Variants in CHN2 observed in about 807,000 individuals in gnomAD.
CHN2 encodes beta-chimaerin.
CHN2 carries 35 observed loss-of-function variants against 56.3 expected under a neutral mutation model. That is an observed-to-expected ratio of 0.62 (90% CI 0.47 to 0.82). The LOEUF (loss-of-function observed/expected upper bound fraction) is 0.82. CHN2 is among the 40% of genes least tolerant of loss of function. CHN2 has a pLI of 0.00. For missense variants in CHN2, 491 were observed against 580.5 expected, an observed-to-expected ratio of 0.85 and a Z score of 1.58; for synonymous variants, 210 against 212.8, an observed-to-expected ratio of 0.99 and a Z score of 0.12.
chr7:29,229,799 G>A (rs1477977607), intron 1 of CHN2, among the ~76,000 whole-genome samples: 1 of 152,152 alleles, frequency 6.6e-6, no homozygotes, highest in East Asian at 1.9e-4. Context: ...GCAACATGGG[G>A]AGACCCCATC....
At chr7:29,419,752 A>T (rs1022065457) in intron 6 of CHN2, among the ~76,000 whole-genome samples, 4 of 152,232 alleles carry the variant, frequency 2.6e-5, no homozygotes, top group Admixed American at 2.6e-4. Flanking sequence ...TACATCATTA[A>T]TCATTAAGGA....
chr7:29,241,357 C>T (rs1325099011), intron 1 of CHN2, among the ~76,000 whole-genome samples: 1 of 152,078 alleles, frequency 6.6e-6, no homozygotes, highest in East Asian at 1.9e-4. Context: ...AGAGTGCTTC[C>T]CACCTGGCCT....
At chr7:29,206,608 T>C (rs245925) in intron 1 of CHN2, among the ~76,000 whole-genome samples, 98,800 of 152,008 alleles carry the variant, frequency 0.65, 33,747 homozygotes, top group East Asian at 0.97. Flanking sequence ...CTTATTTGCA[T>C]GTACTTGCAA....
chr7:29,473,139 C>T (rs112467998), intron 6 of CHN2, among the ~76,000 whole-genome samples: 129 of 152,118 alleles, frequency 8.5e-4, no homozygotes, highest in African/African-American at 3.0e-3. Context: ...TTTGCCTTTG[C>T]CTTAAATCGT....
intron 1 of CHN2, among the ~76,000 whole-genome samples, chr7:29,322,482 C>G (rs747687519): frequency 1.3e-5 from 2 of 152,222 alleles, no homozygotes; most frequent in Non-Finnish European, 2.9e-5. Flanking sequence ...TTCTCCTCCT[C>G]CTCTTCCTAC....
At chr7:29,303,482 C>T (rs1243828307) in intron 1 of CHN2, among the ~76,000 whole-genome samples, 1 of 152,186 alleles carries the variant, frequency 6.6e-6, no homozygotes, top group Admixed American at 6.5e-5. Flanking sequence ...ATGCCCCCTT[C>T]CCTCTTATTT....
chr7:29,354,082 T>C (rs1388334691), intron 1 of CHN2, among the ~76,000 whole-genome samples: 1 of 152,208 alleles, frequency 6.6e-6, no homozygotes, highest in East Asian at 1.9e-4. Context: ...AAGTCACACG[T>C]TGGAGTTAAT....
rs1016768319 is a variant in CHN2, at chr7:29,235,480, C to T, written c.49+40490C>T. ...TGTGGAAAGCACTTTGAAGATTTCT[C>T]AAAGAACTTACTAATAAAACAGAAC... On this transcript the variant is annotated intron_variant, in intron 1 of 12. Transcript: ENST00000222792. 1.9e-4 allele frequency among the ~76,000 whole-genome samples: 29 copies of T among 152,154 alleles called. 1 individual carries two copies. Among genetic ancestry groups the T allele is most frequent in the Admixed American group, 5.2e-4 (8 of 15,268 alleles).
intron 4 of CHN2, among the ~76,000 whole-genome samples, chr7:29,394,425 A>T (rs1226009974): frequency 6.6e-6 from 1 of 152,200 alleles, no homozygotes. Context: ...TTGTGAGGCA[A>T]CGTCTCTTTT....
intron 1 of CHN2, among the ~76,000 whole-genome samples, chr7:29,216,909 A>C (rs980775778): frequency 1.3e-5 from 2 of 152,170 alleles, no homozygotes; most frequent in Non-Finnish European, 2.9e-5. Flanking sequence ...TGAGGTTTTA[A>C]CTACATGGTA....
chr7:29,267,237 CTT>C (rs11436051), intron 1 of CHN2, among the ~76,000 whole-genome samples: 1 of 144,664 alleles, frequency 6.9e-6, no homozygotes, highest in African/African-American at 2.5e-5. Flanking sequence ...GTGCATATTT[CTT>C]TTTTTTTTTT....
At chr7:29,419,380 C>G (rs11760343) in intron 6 of CHN2, among the ~76,000 whole-genome samples, 41,233 of 151,896 alleles carry the variant, frequency 0.27, 5,861 homozygotes, top group Non-Finnish European at 0.32. Context: ...TATAGAACTC[C>G]TAGAAGAAAA....
intron 1 of CHN2, among the ~76,000 whole-genome samples, chr7:29,326,348 G>T (rs1795801789): frequency 6.6e-6 from 1 of 152,128 alleles, no homozygotes; most frequent in South Asian, 2.1e-4. Context: ...AGTAGAGACG[G>T]GATTTCACCA....
intron 1 of CHN2, among the ~76,000 whole-genome samples, chr7:29,301,828 T>A (rs995885401): frequency 2.6e-5 from 4 of 152,234 alleles, no homozygotes; most frequent in African/African-American, 9.6e-5. Context: ...AGGTCCATGT[T>A]TGAGTTTTTT....
At chr7:29,299,871 A>G (rs984954398) in intron 1 of CHN2, among the ~76,000 whole-genome samples, 2 of 152,182 alleles carry the variant, frequency 1.3e-5, no homozygotes, top group African/African-American at 4.8e-5. Flanking sequence ...AGTTCCCGAG[A>G]AGGAGAATCA....
At chr7:29,329,368 A>G (rs1157199548) in intron 1 of CHN2, among the ~76,000 whole-genome samples, 1 of 138,914 alleles carries the variant, frequency 7.2e-6, no homozygotes, top group Non-Finnish European at 1.5e-5. Context: ...TTAAACCTTC[A>G]GATAAGGCAA....
chr7:29,302,042 G>A (rs1385858736), intron 1 of CHN2, among the ~76,000 whole-genome samples: 1 of 152,160 alleles, frequency 6.6e-6, no homozygotes, highest in Non-Finnish European at 1.5e-5. Context: ...GAGCCCTAAG[G>A]CAGGACCTAA....
chr7:29,251,941 A>G (rs245965), intron 1 of CHN2, among the ~76,000 whole-genome samples: 26,933 of 152,136 alleles, frequency 0.18, 6,149 homozygotes, highest in African/African-American at 0.54. Flanking sequence ...TTTTATATCC[A>G]TCTCAAAAAT....
At chr7:29,216,319 A>G (rs1211451390) in intron 1 of CHN2, among the ~76,000 whole-genome samples, 1 of 152,210 alleles carries the variant, frequency 6.6e-6, no homozygotes, top group African/African-American at 2.4e-5. Flanking sequence ...TCCCACCAGG[A>G]TTGAAGACTG....
Sources: allele counts gnomAD v4.1 joint callset (sites outside exome capture counted in the v4.1 genomes callset), GRCh38; gene constraint gnomAD v4.1.1; transcripts MANE v1.5; gene names NCBI Gene and HGNC (gene_info 2026-07-23, HGNC 2026-07-21).